The following SLC29A2 variants were observed in gnomAD, a reference collection of about 807,000 sequenced individuals.
SLC29A2 encodes equilibrative nucleoside transporter 2.
Under a neutral mutation model 48.8 loss-of-function variants are expected in SLC29A2, and 37 were observed. The ratio of observed to expected loss-of-function variants is 0.76; its 90% CI spans 0.58 to 1.00. The LOEUF is 1.00. Among genes scored for constraint, SLC29A2 ranks in the 50% least tolerant of loss-of-function variants. SLC29A2 has a pLI of 0.00. For synonymous variants in SLC29A2, 233 were observed against 261.7 expected, an observed-to-expected ratio of 0.89 and a Z score of 1.06; for missense variants, 533 against 578.6, an observed-to-expected ratio of 0.92 and a Z score of 0.81.
chr11:66,368,926 G>A, intron 4 of SLC29A2, 134 bp downstream of exon 4: 1 of 1,247,582 alleles, frequency 8.0e-7, no homozygotes, highest in Non-Finnish European at 1.1e-6. Context: ...CTCCCTGTGG[G>A]CCTCAGTTTC....
chr11:66,363,543 C>G lies in SLC29A2; in HGVS notation c.1264G>C (p.Val422Leu). The change falls in exon 12 of 12, where the codon GTG becomes CTG. Residue 422 changes from valine to leucine, a missense_variant. Transcript: ENST00000357440. ...SLTMCLAPRQ[V>L]LPHEREVAGA... ...GCCACCTCCCTCTCGTGTGGCAGCA[C>G]CTGCCTAGAACACCCGGGAACAGGA... 1 of 1,611,926 alleles carries G rather than the reference C, an allele frequency of 6.2e-7. No individual in the cohort carries two copies. The highest frequency in any genetic ancestry group is 8.5e-7 in the Non-Finnish European group (1 of 1,178,756).
In SLC29A2 at chr11:66,367,839, C is replaced by T. The variant is rs1348860628; in HGVS notation, c.581G>A (p.Gly194Glu). The change falls in exon 6 of 12, where the codon GGG (glycine) becomes GAG (glutamate). Residue 194 changes from glycine (G) to glutamate (E), a missense_variant. Physicochemically the swap from Gly to Glu is moderately conservative, Grantham distance 98. Transcript: ENST00000357440. The stretch of plus-strand genomic sequence containing the variant: ...GCCCACACAGGGCGTGATAAAGTAC[C>T]CCAGGGCAGAGGTCTCGGCGTCCAC... ...SGVDAETSAL[G>E]YFITPCVGIL... 5 of 1,614,166 alleles carry T rather than the reference C, an allele frequency of 3.1e-6. No individual in the cohort carries two copies. In the South Asian group the frequency reaches 5.5e-5, roughly 18 times the overall value.
At chr11:66,369,557 G>A (rs573793815) in intron 2 of SLC29A2, 25 bp from the exon 3 acceptor site, 2 of 1,613,016 alleles carry the variant, frequency 1.2e-6, no homozygotes, top group South Asian at 2.2e-5. Context: ...GGTGGTGGAG[G>A]GTCAGCACCT....
In SLC29A2 at chr11:66,371,243, C is replaced by G. The variant is rs755275289; in HGVS notation, c.111+1G>C. ...GGCTGCCACGCCGCCAGGAGTCTCA[C>G]CGGGATGGCGGTGATGAAGAAGTTC... On this transcript the variant is annotated splice_donor_variant, in intron 2 of 11. Coordinates refer to ENST00000357440, the MANE Select transcript of SLC29A2 (RefSeq NM_001532.3). LOFTEE classifies it high-confidence loss of function. 1.2e-6 allele frequency: 2 copies of G among 1,613,496 alleles called. No homozygotes were observed. Among genetic ancestry groups the G allele is most frequent in the Non-Finnish European group, 1.7e-6 (2 of 1,179,878 alleles).
At chr11:66,371,904 T>TC (rs1468145147), upstream of SLC29A2, 1 of 452,748 alleles carries the variant, frequency 2.2e-6, no homozygotes, top group Non-Finnish European at 3.9e-6. Context: ...ACCCGCCCGC[T>TC]CCCCGCACAG....
chr11:66,368,752 C>T, intron 4 of SLC29A2, 81 bp from the exon 5 acceptor site: 1 of 1,538,424 alleles, frequency 6.5e-7, no homozygotes, highest in Non-Finnish European at 8.8e-7. Context: ...GCAGGATACA[C>T]AGGGGACTCT....
In SLC29A2 at chr11:66,366,454, A is replaced by T; in HGVS notation, c.844T>A (p.Ser282Thr). 6.2e-7 allele frequency: 1 copy of T among 1,614,128 alleles called. No homozygotes were observed. The highest frequency in any genetic ancestry group is 8.5e-7 in the Non-Finnish European group (1 of 1,179,990). Residue 282 changes from serine (S) to threonine (T), a missense_variant, in exon 8 of 12, where the codon TCA (serine) becomes ACA (threonine). Physicochemically the swap from Ser to Thr is moderately conservative, Grantham distance 58. Transcript: ENST00000357440. ...ACCTTCTGGAAGACAGTGAAGACTG[A>T]AGGTTTTCCTGGCTTCTGGGGCTCA... ...PDEPQKPGKP[S>T]VFTVFQKIWL...
intron 2 of SLC29A2, among the ~76,000 whole-genome samples, chr11:66,370,249 G>T (rs1038821939): frequency 7.9e-5 from 12 of 152,206 alleles, no homozygotes; most frequent in African/African-American, 2.7e-4. Context: ...TGAAGCAGAA[G>T]GAACTTTCTC....
intron 11 of SLC29A2, 148 bp from the exon 12 acceptor site, chr11:66,363,695 G>T: frequency 1.4e-6 from 1 of 694,124 alleles, no homozygotes. Context: ...CAGTTTCCTG[G>T]TCTGTAAATG....
intron 2 of SLC29A2, among the ~76,000 whole-genome samples, chr11:66,370,120 C>A (rs185245738): frequency 2.3e-4 from 35 of 152,362 alleles, no homozygotes; most frequent in Admixed American, 3.9e-4. Context: ...ACAGGCTGAT[C>A]GTCTCTTGCC....
chr11:66,368,930 C>G, intron 4 of SLC29A2, 130 bp downstream of exon 4: 1 of 1,290,346 alleles, frequency 7.7e-7, no homozygotes, highest in South Asian at 1.3e-5. Flanking sequence ...CTGTGGGCCT[C>G]AGTTTCTTCA....
intron 6 of SLC29A2, 59 bp downstream of exon 6, chr11:66,367,713 G>A (rs1855784591): frequency 5.2e-6 from 8 of 1,543,194 alleles, no homozygotes; most frequent in Non-Finnish European, 7.2e-6. Context: ...AGGGCCTCAG[G>A]CTCAGGACTC....
upstream of SLC29A2, chr11:66,372,159 T>A (rs1856091085): frequency 6.6e-6 from 1 of 152,222 alleles, no homozygotes. Flanking sequence ...CGCTGCGGAG[T>A]CCCCGCCCAG....
chr11:66,369,257 G>A (rs1481229388), intron 3 of SLC29A2, 58 bp from the exon 4 acceptor site: 10 of 1,585,750 alleles, frequency 6.3e-6, no homozygotes, highest in Non-Finnish European at 6.0e-6. Flanking sequence ...GGCTGGGGAA[G>A]GAGGCTCGAC....
intron 11 of SLC29A2, 21 bp downstream of exon 11, chr11:66,364,196 GCCCCCCAC>G: frequency 7.1e-7 from 1 of 1,406,956 alleles, no homozygotes; most frequent in African/African-American, 1.4e-5. Context: ...CCTACTCCCA[GCCCCCCAC>G]CCCACCCCAT....
chr11:66,367,899 G>A, intron 5 of SLC29A2, 30 bp from the exon 6 acceptor site: 1 of 1,593,486 alleles, frequency 6.3e-7, no homozygotes, highest in South Asian at 1.1e-5. Flanking sequence ...GCAGAAGAGA[G>A]GCACCTGGTC....
At position 66,366,651 on chromosome 11, in the gene SLC29A2, TAAAAC is replaced by T; in HGVS notation, c.734-92_734-88del. On this transcript the variant is annotated intron_variant, in intron 7 of 11. Transcript: ENST00000357440. ...CCAACGAAGGGAGATTCCCAGCAGTTAAAACAAGTGATCCTCAGCTCAGCATGGTG... is the reference window on the plus strand; with the variant it reads ...CCAACGAAGGGAGATTCCCAGCAGTTAAGTGATCCTCAGCTCAGCATGGTG... 4.1e-6 allele frequency: 6 copies of T among 1,471,072 alleles called. No homozygotes were observed. The South Asian group carries it at 4.8e-5, about 12-fold the overall frequency. 91.1% of individuals were successfully genotyped at this position (1,471,072 alleles called of 1,614,324 possible).
In SLC29A2 at chr11:66,370,072, T is replaced by C. The variant is rs529784523; in HGVS notation, c.112-540A>G. 1.3e-4 allele frequency among the ~76,000 whole-genome samples: 20 copies of C among 152,364 alleles called. No individual in the cohort carries two copies. In the South Asian group the frequency reaches 1.4e-3, roughly 11 times the overall value. The stretch of plus-strand genomic sequence containing the variant: ...TGCCCCATCTTCTGCTCCATCCTGC[T>C]AAGCTCCAGGCAGCCCTGGCTGTGG... On this transcript the variant is annotated intron_variant, in intron 2 of 11. Coordinates refer to ENST00000357440, the MANE Select transcript of SLC29A2 (RefSeq NM_001532.3).
At chr11:66,367,356 G>A (rs1211887586) in intron 7 of SLC29A2, 108 bp downstream of exon 7, 11 of 899,980 alleles carry the variant, frequency 1.2e-5, no homozygotes, top group Non-Finnish European at 2.1e-5. Flanking sequence ...TTTGCACAAG[G>A]CTACTAGGGG....
Sources: allele counts gnomAD v4.1 joint callset (sites outside exome capture counted in the v4.1 genomes callset), GRCh38; gene constraint gnomAD v4.1.1; transcripts MANE v1.5; gene names NCBI Gene and HGNC (gene_info 2026-07-23, HGNC 2026-07-21).